The following MAK16 variants were observed in gnomAD, a reference collection of about 807,000 sequenced individuals.
MAK16 encodes the protein MAK16 homolog.
A neutral mutation model predicts 49.9 loss-of-function variants in MAK16; 12 were observed. The observed-to-expected ratio is 0.24, with a 90% CI of 0.15 to 0.39. The LOEUF is 0.39. Ranked by LOEUF, MAK16 falls within the 10% of genes least tolerant of loss-of-function variation. The pLI is 1.00. For missense variants in MAK16, 292 were observed against 363.7 expected (o/e 0.80, Z 1.60); for synonymous variants, 115 against 126.4 (o/e 0.91, Z 0.60).
intron 6 of MAK16, among the ~76,000 whole-genome samples, chr8:33,491,238 A>G (rs889986810): frequency 6.6e-6 from 1 of 152,226 alleles, no homozygotes; most frequent in Admixed American, 6.5e-5. Context: ...CAGAGCTGTA[A>G]CACACATGGA....
chr8:33,498,854 A>G lies in MAK16; in HGVS notation c.*225A>G, dbSNP rs527862885. 2 of 592,020 alleles carry G rather than the reference A, an allele frequency of 3.4e-6. No homozygotes were observed. The highest frequency in any genetic ancestry group is 4.3e-5 in the South Asian group (2 of 46,582). 36.7% of individuals were successfully genotyped at this position (592,020 alleles called of 1,614,324 possible). ...GTTTTTATAGCATATGTGTTGAAGTAACAGCTTGTGCCCGAGAAACTTAAC... is the reference window on the plus strand; with the variant it reads ...GTTTTTATAGCATATGTGTTGAAGTGACAGCTTGTGCCCGAGAAACTTAAC... On this transcript the variant is annotated 3_prime_UTR_variant, in exon 10 of 10. Coordinates refer to ENST00000360128, the MANE Select transcript of MAK16 (RefSeq NM_032509.4).
intron 8 of MAK16, 123 bp from the exon 9 acceptor site, chr8:33,497,109 A>G (rs983283387): frequency 4.3e-6 from 3 of 690,344 alleles, no homozygotes; most frequent in African/African-American, 3.6e-5. Context: ...TTTAGAAAGA[A>G]CTAAATTTTC....
At chr8:33,496,037 A>G (rs868675060) in intron 7 of MAK16, among the ~76,000 whole-genome samples, 1 of 152,138 alleles carries the variant, frequency 6.6e-6, no homozygotes. Context: ...AAATAAATCC[A>G]TATCGGCCTG....
chr8:33,485,903 A>G (rs1808679919), intron 1 of MAK16, among the ~76,000 whole-genome samples: 1 of 152,222 alleles, frequency 6.6e-6, no homozygotes. Flanking sequence ...ATGATGAAGG[A>G]CACTTCAGAT....
At position 33,498,913 on chromosome 8, in the gene MAK16, A is replaced by G; in HGVS notation, c.*284A>G. On this transcript the variant is annotated 3_prime_UTR_variant, in exon 10 of 10. Transcript: ENST00000360128. Reference sequence around the variant, plus strand: ...TCTTGAATCTGGGATGAGATGACGGATGTAAATATTTCTAAATTTTAAATG... The same window carrying G: ...TCTTGAATCTGGGATGAGATGACGGGTGTAAATATTTCTAAATTTTAAATG... 1.7e-6 allele frequency: 1 copy of G among 579,068 alleles called. No individual in the cohort carries two copies. Among genetic ancestry groups the G allele is most frequent in the Non-Finnish European group, 3.0e-6 (1 of 329,106 alleles). 35.9% of individuals were successfully genotyped at this position (579,068 alleles called of 1,614,324 possible).
At position 33,485,189 on chromosome 8, in the gene MAK16, C is replaced by G. The variant is rs151229023; in HGVS notation, c.-18C>G. 2.6e-4 allele frequency: 424 copies of G among 1,614,184 alleles called. No individual in the cohort carries two copies. The African/African-American group carries it at 5.0e-3, about 19-fold the overall frequency. On this transcript the variant is annotated 5_prime_UTR_variant, in exon 1 of 10. Transcript: ENST00000360128. Reference sequence around the variant, plus strand: ...GCCCGCGATCCGACCGGAAGTTGCACGCTGAGCCGCGGACACCATGCAGTC... The same window carrying G: ...GCCCGCGATCCGACCGGAAGTTGCAGGCTGAGCCGCGGACACCATGCAGTC...
At position 33,500,140 on chromosome 8, in the gene MAK16, T is replaced by C; in HGVS notation, c.*1511T>C. 1.6e-6 allele frequency: 1 copy of C among 622,944 alleles called. No individual in the cohort carries two copies. Among genetic ancestry groups the C allele is most frequent in the Admixed American group, 2.9e-5 (1 of 34,222 alleles). 38.6% of individuals were successfully genotyped at this position (622,944 alleles called of 1,614,324 possible). A position where few individuals can be genotyped will look rare whatever the true frequency, so the allele number is the denominator to read the frequency against. On this transcript the variant is annotated 3_prime_UTR_variant, in exon 10 of 10. Coordinates refer to ENST00000360128, the MANE Select transcript of MAK16 (RefSeq NM_032509.4). ...GCCTTTAGTTCTAAATGGTTCTGAA[T>C]AGCTTTAAAAGATGAATAAGAAAAA...
intron 6 of MAK16, among the ~76,000 whole-genome samples, chr8:33,492,897 G>C (rs1441957630): frequency 1.1e-4 from 16 of 151,172 alleles, no homozygotes; most frequent in African/African-American, 3.6e-4. Context: ...TTTTGTTTGG[G>C]ATAGCTTTAG....
In MAK16 at chr8:33,490,135, C is replaced by T. The variant is rs1373120226; in HGVS notation, c.393-150C>T. ...CTCCAAGGCTTGTTTGAATCGCTAG[C>T]CTCCGTGAATGCCTGAAGCTCAGCC... On this transcript the variant is annotated intron_variant, in intron 5 of 9. Coordinates refer to ENST00000360128, the MANE Select transcript of MAK16 (RefSeq NM_032509.4). The T allele has an allele frequency of 6.6e-6, 4 of 605,740 alleles. No individual in the cohort carries two copies. In the African/African-American group the frequency reaches 7.5e-5, roughly 11 times the overall value. 37.5% of individuals were successfully genotyped at this position (605,740 alleles called of 1,614,324 possible).
rs749921492 is a variant in MAK16 at position 33,487,314 on chromosome 8, T to C, written c.16-1064T>C. Among the ~76,000 whole-genome samples the C allele has an allele frequency of 2.0e-5, 3 of 152,200 alleles. 1 individual carries two copies. Among genetic ancestry groups the C allele is most frequent in the Non-Finnish European group, 4.4e-5 (3 of 68,050 alleles). ...TGCCTTACATAAATTAAGTATATAA[T>C]GCTGAATGAATAAAGAGCACATTAA... On this transcript the variant is annotated intron_variant, in intron 1 of 9. Transcript: ENST00000360128.
At chr8:33,488,935 A>C in intron 4 of MAK16, 53 bp from the exon 5 acceptor site, 1 of 1,611,978 alleles carries the variant, frequency 6.2e-7, no homozygotes, top group Non-Finnish European at 8.5e-7. Flanking sequence ...GACAGTGAAA[A>C]CCTAATGAAT....
In MAK16 at chr8:33,499,212, C is replaced by T. The variant is rs1808968501; in HGVS notation, c.*583C>T. The T allele has an allele frequency of 6.2e-7, 1 of 1,613,958 alleles. No individual in the cohort carries two copies. The highest frequency in any genetic ancestry group is 1.3e-5 in the African/African-American group (1 of 74,918). Reference sequence around the variant, plus strand: ...AGGGTGCGCCTTCAGAAACCTGCTGCACTTTTCTGATATAGTTCACCACTT... The same window carrying T: ...AGGGTGCGCCTTCAGAAACCTGCTGTACTTTTCTGATATAGTTCACCACTT... On this transcript the variant is annotated 3_prime_UTR_variant, in exon 10 of 10. Coordinates refer to ENST00000360128, the MANE Select transcript of MAK16 (RefSeq NM_032509.4).
rs745366614 is a variant in MAK16, at chr8:33,500,365, A to G, written c.*1736A>G. 8.7e-6 allele frequency: 14 copies of G among 1,614,154 alleles called. No individual in the cohort carries two copies. Among genetic ancestry groups the G allele is most frequent in the Non-Finnish European group, 1.2e-5 (14 of 1,180,016 alleles). On this transcript the variant is annotated 3_prime_UTR_variant, in exon 10 of 10. Transcript: ENST00000360128. The stretch of plus-strand genomic sequence containing the variant: ...TTGAGAACAGCGGTCCAGGAGAATC[A>G]GGCAGTCTGTGGCCTCCTGTAGCAG...
Position 33,488,818 on chromosome 8 carries a change from T to C in MAK16, c.240+20T>C, listed in dbSNP as rs1808727073. 4 of 1,613,554 alleles carry C rather than the reference T, an allele frequency of 2.5e-6. No individual in the cohort carries two copies. The East Asian group carries it at 8.9e-5, about 36-fold the overall frequency. On this transcript the variant is annotated intron_variant, in intron 4 of 9. Transcript: ENST00000360128. ...GAACGGGTAAGCCTTACAACAAAAC[T>C]ACAGTGACCGCTGATCAAGAGCATC...
chr8:33,498,690 ATC>A lies in MAK16; in HGVS notation c.*63_*64del. 1 of 867,136 alleles carries A rather than the reference ATC, an allele frequency of 1.2e-6. No individual in the cohort carries two copies. The highest frequency in any genetic ancestry group is 1.7e-6 in the Non-Finnish European group (1 of 591,530). The allele number at this position is 867,136 out of a possible 1,614,324, so 53.7% of individuals were successfully genotyped here. A position where few individuals can be genotyped will look rare whatever the true frequency, so the allele number is the denominator to read the frequency against. On this transcript the variant is annotated 3_prime_UTR_variant, in exon 10 of 10. Coordinates refer to ENST00000360128, the MANE Select transcript of MAK16 (RefSeq NM_032509.4). ...GCAGAACTGTTTTTTTTTTTTTTTTATCTTAAACACATACACACCTCCAGTTT... is the reference window on the plus strand; with the variant it reads ...GCAGAACTGTTTTTTTTTTTTTTTTATTAAACACATACACACCTCCAGTTT...
chr8:33,486,662 A>C (rs1808692754), intron 1 of MAK16, among the ~76,000 whole-genome samples: 1 of 152,254 alleles, frequency 6.6e-6, no homozygotes, highest in Admixed American at 6.5e-5. Flanking sequence ...AGTATAATTG[A>C]CAAGACTTTG....
intron 1 of MAK16, 105 bp downstream of exon 1, chr8:33,485,326 C>G: frequency 6.8e-7 from 1 of 1,479,598 alleles, no homozygotes; most frequent in Non-Finnish European, 9.4e-7. Context: ...TGCCTCGTGC[C>G]GCTCTGGATG....
At chr8:33,497,337 GCAA>G in intron 9 of MAK16, 40 bp downstream of exon 9, 2 of 595,280 alleles carry the variant, frequency 3.4e-6, no homozygotes, top group Non-Finnish European at 5.1e-6. Flanking sequence ...TTGGCCTGCA[GCAA>G]AAAAAAAAAA....
At chr8:33,497,838 A>G (rs1287608983) in intron 9 of MAK16, among the ~76,000 whole-genome samples, 3 of 151,808 alleles carry the variant, frequency 2.0e-5, no homozygotes, top group East Asian at 2.0e-4. Flanking sequence ...GCTCACGCCT[A>G]TAATCCTAGC....
Sources: gnomAD v4.1 joint callset for allele counts (sites outside exome capture counted in the v4.1 genomes callset) on GRCh38, gnomAD v4.1.1 for gene constraint, MANE v1.5 for transcripts, NCBI Gene and HGNC (gene_info 2026-07-23, HGNC 2026-07-21) for gene names.